The following TMEM132C variants were observed in gnomAD, a reference collection of about 807,000 sequenced individuals.
TMEM132C encodes the protein transmembrane protein 132C, also known as protein phosphatase 1, regulatory subunit 152.
Under a neutral mutation model 61.4 loss-of-function variants are expected in TMEM132C, and 29 were observed. That is an observed-to-expected ratio of 0.47 (90% confidence interval 0.35 to 0.64). The LOEUF is 0.64. TMEM132C is among the 30% of genes least tolerant of loss of function. The pLI is 0.00. For missense variants in TMEM132C, 1,408 were observed against 1,476.9 expected (o/e 0.95, Z 0.76); for synonymous variants, 656 against 633.1 (o/e 1.04, Z -0.54).
In TMEM132C at chr12:128,370,104, C is replaced by T. The variant is rs748677617; in HGVS notation, c.86-44628C>T. Among the ~76,000 whole-genome samples, 29 of 152,296 alleles carry T rather than the reference C, an allele frequency of 1.9e-4. 1 individual carries two copies. The highest frequency in any genetic ancestry group is 1.5e-3 in the South Asian group (7 of 4,826). ...TGCACCTGCTTATCGTACACCATTTCATGGAACAAATCCACTGTTGACTTC... is the reference window on the plus strand; with the variant it reads ...TGCACCTGCTTATCGTACACCATTTTATGGAACAAATCCACTGTTGACTTC... On this transcript the variant is annotated intron_variant, in intron 1 of 8. Coordinates refer to ENST00000435159, the MANE Select transcript of TMEM132C (RefSeq NM_001136103.3).
At chr12:128,499,578 T>C (rs1036269809) in intron 2 of TMEM132C, among the ~76,000 whole-genome samples, 4 of 152,176 alleles carry the variant, frequency 2.6e-5, no homozygotes, top group African/African-American at 9.7e-5. Context: ...ACAACCATCG[T>C]TCTACTCTCT....
intron 2 of TMEM132C, among the ~76,000 whole-genome samples, chr12:128,498,552 G>T (rs1401476102): frequency 6.6e-6 from 1 of 152,044 alleles, no homozygotes; most frequent in Non-Finnish European, 1.5e-5. Context: ...GTGCATGCCT[G>T]TAATCCCAGC....
intron 2 of TMEM132C, among the ~76,000 whole-genome samples, chr12:128,513,855 G>A (rs1872642078): frequency 6.6e-6 from 1 of 152,172 alleles, no homozygotes. Flanking sequence ...AATTATCCAG[G>A]CCTCCTTGCA....
intron 3 of TMEM132C, among the ~76,000 whole-genome samples, chr12:128,604,709 A>G (rs1035177892): frequency 6.7e-6 from 1 of 148,352 alleles, no homozygotes; most frequent in Non-Finnish European, 1.5e-5. Context: ...AGATGGCTAG[A>G]TAGATAAATA....
chr12:128,542,980 G>A (rs1424207204), intron 2 of TMEM132C, among the ~76,000 whole-genome samples: 2 of 152,158 alleles, frequency 1.3e-5, no homozygotes, highest in Admixed American at 6.5e-5. Context: ...CTGTGAGTGG[G>A]ATGAAGGAAA....
intron 8 of TMEM132C, among the ~76,000 whole-genome samples, chr12:128,701,899 C>CTTT (rs34680984): frequency 7.7e-6 from 1 of 130,052 alleles, no homozygotes; most frequent in African/African-American, 3.1e-5. Context: ...GCTTCTTCTT[C>CTTT]TTTTTTTTTT....
At chr12:128,543,178 G>C (rs150166134) in intron 2 of TMEM132C, among the ~76,000 whole-genome samples, 66 of 152,310 alleles carry the variant, frequency 4.3e-4, no homozygotes, top group African/African-American at 1.6e-3. Flanking sequence ...TGTGTGCCAG[G>C]CAAGTCACGT....
chr12:128,343,035 AG>A (rs1873029245), intron 1 of TMEM132C, among the ~76,000 whole-genome samples: 1 of 152,204 alleles, frequency 6.6e-6, no homozygotes, highest in Non-Finnish European at 1.5e-5. Context: ...TGGGATAGCA[AG>A]GTGGCCCAAG....
chr12:128,618,194 T>G (rs1469339423), intron 4 of TMEM132C, among the ~76,000 whole-genome samples: 1 of 152,188 alleles, frequency 6.6e-6, no homozygotes, highest in Non-Finnish European at 1.5e-5. Flanking sequence ...GATAAGACAT[T>G]CAAATACTTT....
rs79282057 is a variant in TMEM132C at position 128,424,571 on chromosome 12, C to T, written c.974+8951C>T. ...AGTAGATTAGTTGTTGCCAGGACAA[C>T]GGGAGGTGGCATGTGGGGAGTGATT... On this transcript the variant is annotated intron_variant, in intron 2 of 8. Coordinates refer to ENST00000435159, the MANE Select transcript of TMEM132C (RefSeq NM_001136103.3). Among the ~76,000 whole-genome samples, 308 of 152,042 alleles carry T rather than the reference C, an allele frequency of 2.0e-3. 2 individuals carry two copies. The highest frequency in any genetic ancestry group is 6.9e-3 in the African/African-American group (288 of 41,478).
At chr12:128,544,430 G>A (rs891022116) in intron 3 of TMEM132C, among the ~76,000 whole-genome samples, 2 of 152,214 alleles carry the variant, frequency 1.3e-5, no homozygotes, top group African/African-American at 2.4e-5. Context: ...AAGATGCTCG[G>A]TTACAAAGTA....
chr12:128,638,754 G>A (rs1360624482), intron 4 of TMEM132C, among the ~76,000 whole-genome samples: 1 of 152,198 alleles, frequency 6.6e-6, no homozygotes, highest in Non-Finnish European at 1.5e-5. Context: ...TGGCATTGAT[G>A]ATAGTTGTGG....
chr12:128,321,843 A>G (rs1872343832), intron 1 of TMEM132C, among the ~76,000 whole-genome samples: 1 of 152,212 alleles, frequency 6.6e-6, no homozygotes, highest in Non-Finnish European at 1.5e-5. Flanking sequence ...CAAGAAAGAC[A>G]TTCTCGGAGA....
chr12:128,481,574 G>A (rs2136091471), intron 2 of TMEM132C, among the ~76,000 whole-genome samples: 1 of 152,358 alleles, frequency 6.6e-6, no homozygotes, highest in African/African-American at 2.4e-5. Flanking sequence ...AGGCCTAGCA[G>A]TGTGCAGTTC....
chr12:128,505,660 T>C (rs1482967918), intron 2 of TMEM132C, among the ~76,000 whole-genome samples: 1 of 152,238 alleles, frequency 6.6e-6, no homozygotes, highest in African/African-American at 2.4e-5. Context: ...TTGCCCATTA[T>C]TAAAAAGTAT....
At chr12:128,334,813 G>A (rs998998444) in intron 1 of TMEM132C, among the ~76,000 whole-genome samples, 1 of 152,100 alleles carries the variant, frequency 6.6e-6, no homozygotes, top group Admixed American at 6.5e-5. Flanking sequence ...AGCCAGGAGG[G>A]TCTCGATCTC....
intron 4 of TMEM132C, among the ~76,000 whole-genome samples, chr12:128,628,562 AT>A: frequency 6.6e-6 from 1 of 152,318 alleles, no homozygotes; most frequent in South Asian, 2.1e-4. Context: ...ATGCATGTCT[AT>A]TTGTACATTC....
chr12:128,544,378 T>C (rs1217548125), intron 3 of TMEM132C, among the ~76,000 whole-genome samples: 2 of 152,244 alleles, frequency 1.3e-5, no homozygotes, highest in African/African-American at 4.8e-5. Flanking sequence ...CCTCCACACC[T>C]GAACTGACTT....
intron 3 of TMEM132C, among the ~76,000 whole-genome samples, chr12:128,561,853 A>C (rs1466940656): frequency 6.6e-6 from 1 of 152,204 alleles, no homozygotes; most frequent in Non-Finnish European, 1.5e-5. Flanking sequence ...TCAGAAGCCC[A>C]GTCTCTTTTC....
Sources: gnomAD v4.1 joint callset for allele counts (sites outside exome capture counted in the v4.1 genomes callset) on GRCh38, gnomAD v4.1.1 for gene constraint, MANE v1.5 for transcripts, NCBI Gene and HGNC (gene_info 2026-07-23, HGNC 2026-07-21) for gene names.